CLHC1: variants seen among roughly 807,000 people sequenced by gnomAD.
CLHC1 encodes the protein clathrin heavy chain linker domain containing 1.
Under a neutral mutation model 69.5 loss-of-function variants are expected in CLHC1, and 72 were observed. The ratio of observed to expected loss-of-function variants is 1.04; its 90% CI spans 0.86 to 1.26. The LOEUF is 1.26. Among genes scored for constraint, CLHC1 ranks in the 50% most tolerant of loss-of-function variants. The probability of loss-of-function intolerance (pLI) is 0.00; values close to 1 mark genes in which losing one functional copy is unlikely to be tolerated. For synonymous variants in CLHC1, 223 were observed against 224.3 expected (o/e 0.99, Z 0.05); for missense variants, 790 against 679.3 (o/e 1.16, Z -1.81).
intron 9 of CLHC1, among the ~76,000 whole-genome samples, chr2:55,186,060 G>A (rs1670384330): frequency 1.3e-5 from 2 of 152,154 alleles, no homozygotes. Flanking sequence ...ATGACAGTGT[G>A]GCTCACATGG....
chr2:55,204,964 G>A (rs956089890), intron 9 of CLHC1, among the ~76,000 whole-genome samples: 1 of 152,036 alleles, frequency 6.6e-6, no homozygotes, highest in African/African-American at 2.4e-5. Context: ...GGGGAGTTGG[G>A]CTGTTTAATG....
At chr2:55,180,942 A>G (rs938893715) in intron 10 of CLHC1, among the ~76,000 whole-genome samples, 1 of 152,136 alleles carries the variant, frequency 6.6e-6, no homozygotes, top group African/African-American at 2.4e-5. Flanking sequence ...GTAGTGGTGT[A>G]TTTGCTAAGA....
At chr2:55,189,817 T>C (rs12713290) in intron 9 of CLHC1, among the ~76,000 whole-genome samples, 148,482 of 152,250 alleles carry the variant, frequency 0.98, 72,443 homozygotes, top group African/African-American at 0.99. Flanking sequence ...ATCCCTAGAG[T>C]TCAGAAATAG....
At chr2:55,184,623 T>C (rs1459843710) in intron 9 of CLHC1, among the ~76,000 whole-genome samples, 1 of 152,040 alleles carries the variant, frequency 6.6e-6, no homozygotes, top group African/African-American at 2.4e-5. Context: ...AAAGATTTCT[T>C]AGGCCAGGCG....
At chr2:55,230,321 A>C (rs963518092) in intron 1 of CLHC1, among the ~76,000 whole-genome samples, 1 of 152,188 alleles carries the variant, frequency 6.6e-6, no homozygotes, top group African/African-American at 2.4e-5. Context: ...GATAATCATA[A>C]AGTTTTTGGC....
chr2:55,189,135 AT>A (rs1670685288), intron 9 of CLHC1, among the ~76,000 whole-genome samples: 2 of 152,184 alleles, frequency 1.3e-5, no homozygotes, highest in Non-Finnish European at 2.9e-5. Context: ...GAATATTATA[AT>A]CCTTAGAATA....
intron 3 of CLHC1, among the ~76,000 whole-genome samples, chr2:55,219,160 C>T (rs2104028482): frequency 6.6e-6 from 1 of 152,264 alleles, no homozygotes; most frequent in South Asian, 2.1e-4. Flanking sequence ...TACCCTGTTG[C>T]TCCTGGCCAT....
intron 4 of CLHC1, chr2:55,214,504 T>C (rs1673311952): frequency 6.6e-6 from 1 of 152,204 alleles, no homozygotes; most frequent in African/African-American, 2.4e-5. Flanking sequence ...CAAGATTCCG[T>C]CTCAAAAAAT....
At chr2:55,203,351 A>G (rs1435556083) in intron 9 of CLHC1, among the ~76,000 whole-genome samples, 1 of 152,200 alleles carries the variant, frequency 6.6e-6, no homozygotes, top group Non-Finnish European at 1.5e-5. Context: ...AGAATAGCCA[A>G]AAACCATCCT....
chr2:55,187,279 C>CAAATAAAATAAAATAAAATA (rs58159859), intron 9 of CLHC1, among the ~76,000 whole-genome samples: 1,370 of 127,344 alleles, frequency 0.011, 35 homozygotes, highest in African/African-American at 0.039. Flanking sequence ...AACTCCATCT[C>CAAATAAAATAAAATAAAATA]AAATAAAATA....
At chr2:55,190,650 GATTAGTCA>G (rs1392120288) in intron 9 of CLHC1, among the ~76,000 whole-genome samples, 1 of 152,014 alleles carries the variant, frequency 6.6e-6, no homozygotes, top group Non-Finnish European at 1.5e-5. Flanking sequence ...AGATACTGAA[GATTAGTCA>G]ATTTAAAAAC....
intron 9 of CLHC1, among the ~76,000 whole-genome samples, chr2:55,204,986 A>G (rs190774333): frequency 4.6e-5 from 7 of 152,284 alleles, no homozygotes; most frequent in African/African-American, 7.2e-5. Flanking sequence ...GTTAAAAAAA[A>G]TAGTTAAATT....
chr2:55,188,560 G>A (rs1670629910), intron 9 of CLHC1, among the ~76,000 whole-genome samples: 1 of 152,052 alleles, frequency 6.6e-6, no homozygotes. Context: ...AAAAGCTGAA[G>A]ATATGCATAC....
At chr2:55,219,689 T>A (rs1307892788) in intron 3 of CLHC1, among the ~76,000 whole-genome samples, 1 of 152,112 alleles carries the variant, frequency 6.6e-6, no homozygotes, top group Non-Finnish European at 1.5e-5. Flanking sequence ...TCTGCAGGCA[T>A]TTAAGTTTGA....
chr2:55,176,042 T>C (rs546907957), intron 12 of CLHC1, 56 bp from the exon 13 acceptor site: 35 of 1,387,858 alleles, frequency 2.5e-5, no homozygotes, highest in South Asian at 1.4e-4. Context: ...ATCTATACTT[T>C]AGTGATTCTT....
intron 4 of CLHC1, among the ~76,000 whole-genome samples, chr2:55,213,519 C>T (rs1331237234): frequency 6.6e-6 from 1 of 152,186 alleles, no homozygotes; most frequent in Non-Finnish European, 1.5e-5. Context: ...AGACTAGGAC[C>T]TGATGTCTTT....
rs79097389 is a variant in CLHC1, at chr2:55,230,695, C to A, written c.-256+1528G>T. Among the ~76,000 whole-genome samples, 590 of 152,158 alleles carry A rather than the reference C, an allele frequency of 3.9e-3. 3 individuals carry two copies. The highest frequency in any genetic ancestry group is 0.031 in the Middle Eastern group (9 of 294). On this transcript the variant is annotated intron_variant, in intron 1 of 12. Transcript: ENST00000401408. ...TGGCAGAAAAACTGAGAGGTGAAGT[C>A]TTTGAAAGGTTTTCAAAGAGAGATG...
At chr2:55,201,602 A>G (rs141807317) in intron 9 of CLHC1, among the ~76,000 whole-genome samples, 469 of 152,286 alleles carry the variant, frequency 3.1e-3, no homozygotes, top group African/African-American at 0.011. Context: ...AAGAACTAAT[A>G]CATATCCTAC....
At position 55,223,532 on chromosome 2, in the gene CLHC1, C is replaced by T. The variant is rs936124488; in HGVS notation, c.-82-1039G>A. The stretch of plus-strand genomic sequence containing the variant: ...GGCGTGGCCTGCTGTGCTCCGAGCG[C>T]CAAGGGTCGGCGCGACCGCTCTCGG... On this transcript the variant is annotated intron_variant, in intron 2 of 12. Coordinates refer to ENST00000401408, the MANE Select transcript of CLHC1 (RefSeq NM_152385.4). 2.0e-5 allele frequency among the ~76,000 whole-genome samples: 3 copies of T among 152,112 alleles called. No individual in the cohort carries two copies. In the East Asian group the frequency reaches 5.8e-4, roughly 29 times the overall value.
Sources: gnomAD v4.1 joint callset for allele counts (sites outside exome capture counted in the v4.1 genomes callset) on GRCh38, gnomAD v4.1.1 for gene constraint, MANE v1.5 for transcripts, NCBI Gene and HGNC (gene_info 2026-07-23, HGNC 2026-07-21) for gene names.